BMPR2: variants seen among roughly 807,000 people sequenced by gnomAD.
BMPR2 encodes the protein bone morphogenetic protein receptor type 2.
BMPR2 carries 29 observed loss-of-function variants against 100.8 expected under a neutral mutation model. That is an observed-to-expected ratio of 0.29 (90% CI 0.21 to 0.39). The LOEUF (loss-of-function observed/expected upper bound fraction) is 0.39, where lower values mean the gene tolerates loss of function less well. Ranked by LOEUF, BMPR2 falls within the 10% of genes least tolerant of loss-of-function variation. BMPR2 has a pLI of 1.00. For missense variants in BMPR2, 1,011 were observed against 1,274.5 expected (o/e 0.79, Z 3.15); for synonymous variants, 382 against 442.3 (o/e 0.86, Z 1.71).
chr2:202,483,549 C>T (rs1692706354), intron 3 of BMPR2, among the ~76,000 whole-genome samples: 1 of 151,980 alleles, frequency 6.6e-6, no homozygotes, highest in Non-Finnish European at 1.5e-5. Flanking sequence ...CAGGTGTGTG[C>T]TACCACATCT....
chr2:202,555,210 A>G, intron 11 of BMPR2, 42 bp from the exon 12 acceptor site: 3 of 1,548,454 alleles, frequency 1.9e-6, no homozygotes, highest in Non-Finnish European at 2.7e-6. Flanking sequence ...AGTTTGTCAT[A>G]AATGTACGTT....
In BMPR2 at chr2:202,518,818, G is replaced by T. The variant is rs769302325; in HGVS notation, c.622-4G>T. ...ATACCTTGCTTTCTTTAAAACACTT[G>T]CAGCTGATTGGCCGAGGTCGATATG... is the stretch of plus-strand genomic sequence containing the variant. On this transcript the variant is annotated splice_polypyrimidine_tract_variant and splice_region_variant and intron_variant, in intron 5 of 12. Transcript: ENST00000374580. The T allele has an allele frequency of 6.2e-7, 1 of 1,612,734 alleles. No homozygotes were observed. Among genetic ancestry groups the T allele is most frequent in the Non-Finnish European group, 8.5e-7 (1 of 1,178,742 alleles).
intron 1 of BMPR2, among the ~76,000 whole-genome samples, chr2:202,409,176 C>G (rs891664977): frequency 3.3e-5 from 5 of 152,100 alleles, no homozygotes; most frequent in African/African-American, 2.4e-5. Flanking sequence ...GAAACCTTGT[C>G]TCTATAAAAA....
At chr2:202,550,340 T>C (rs1451721549) in intron 10 of BMPR2, among the ~76,000 whole-genome samples, 1 of 143,020 alleles carries the variant, frequency 7.0e-6, no homozygotes, top group Non-Finnish European at 1.5e-5. Context: ...GCCATTGCAC[T>C]GCAGCCTGGG....
chr2:202,517,807 TTC>T (rs1185215230), intron 5 of BMPR2, among the ~76,000 whole-genome samples: 1 of 151,528 alleles, frequency 6.6e-6, no homozygotes, highest in Admixed American at 6.6e-5. Context: ...TTTTCTGTTC[TTC>T]TTTTTTCTTT....
intron 4 of BMPR2, among the ~76,000 whole-genome samples, chr2:202,514,100 T>C (rs956348387): frequency 6.6e-6 from 1 of 151,964 alleles, no homozygotes; most frequent in Non-Finnish European, 1.5e-5. Context: ...AAATATTATC[T>C]CTACAATACA....
At chr2:202,543,282 CACA>C (rs1688315085) in intron 10 of BMPR2, among the ~76,000 whole-genome samples, 1 of 118,830 alleles carries the variant, frequency 8.4e-6, no homozygotes, top group African/African-American at 3.7e-5. Flanking sequence ...ATGTAAAATT[CACA>C]ACAATGAAAT....
At chr2:202,502,753 T>C (rs1687424552) in intron 3 of BMPR2, among the ~76,000 whole-genome samples, 1 of 152,146 alleles carries the variant, frequency 6.6e-6, no homozygotes, top group Admixed American at 6.5e-5. Flanking sequence ...AGTGTTGTTT[T>C]TACACTAACC....
intron 1 of BMPR2, among the ~76,000 whole-genome samples, chr2:202,404,149 CTT>C (rs1690830885): frequency 6.7e-6 from 1 of 149,384 alleles, no homozygotes; most frequent in Non-Finnish European, 1.5e-5. Flanking sequence ...AATAAAATGA[CTT>C]ATTGTCATTT....
chr2:202,550,527 A>G (rs976597821), intron 10 of BMPR2, among the ~76,000 whole-genome samples: 2 of 152,042 alleles, frequency 1.3e-5, no homozygotes, highest in Non-Finnish European at 2.9e-5. Flanking sequence ...CTAGATTTAT[A>G]ATTATCATTT....
intron 1 of BMPR2, among the ~76,000 whole-genome samples, chr2:202,457,627 C>A (rs1031021095): frequency 1.2e-4 from 18 of 144,282 alleles, no homozygotes; most frequent in East Asian, 2.1e-4. Context: ...CTTTGGAAAC[C>A]TATGCTAATT....
intron 1 of BMPR2, among the ~76,000 whole-genome samples, chr2:202,438,294 CAA>C (rs1245864417): frequency 1.3e-5 from 2 of 150,396 alleles, no homozygotes; most frequent in Non-Finnish European, 2.9e-5. Context: ...GCCTGGGCAA[CAA>C]GAGCGAAACT....
intron 3 of BMPR2, chr2:202,469,542 C>G (rs1211952294): frequency 2.6e-5 from 8 of 308,310 alleles, no homozygotes; most frequent in African/African-American, 6.7e-5. Context: ...TACAGTGGCA[C>G]GATCCCGGCT....
chr2:202,442,258 C>A (rs1171709038), intron 1 of BMPR2, among the ~76,000 whole-genome samples: 3 of 150,298 alleles, frequency 2.0e-5, no homozygotes, highest in East Asian at 1.9e-4. Context: ...ATTCCCAGTT[C>A]TTTTCCACAC....
chr2:202,546,892 G>A (rs1688385252), intron 10 of BMPR2, among the ~76,000 whole-genome samples: 2 of 150,082 alleles, frequency 1.3e-5, no homozygotes, highest in African/African-American at 2.4e-5. Flanking sequence ...ATGAGCCACC[G>A]TGCCCAGCCG....
chr2:202,479,618 A>G (rs1046779925), intron 3 of BMPR2, among the ~76,000 whole-genome samples: 2 of 152,098 alleles, frequency 1.3e-5, no homozygotes, highest in Non-Finnish European at 2.9e-5. Context: ...TTGTATTTAC[A>G]CATTAAAACC....
At chr2:202,527,481 T>A (rs953555157) in intron 7 of BMPR2, among the ~76,000 whole-genome samples, 1 of 149,548 alleles carries the variant, frequency 6.7e-6, no homozygotes, top group Non-Finnish European at 1.5e-5. Flanking sequence ...GGAGCAAGAC[T>A]CCATCTCAAA....
rs573729894 is a variant in BMPR2, at chr2:202,452,634, A to C, written c.77-12175A>C. On this transcript the variant is annotated intron_variant, in intron 1 of 12. Coordinates refer to ENST00000374580, the MANE Select transcript of BMPR2 (RefSeq NM_001204.7). ...CCTGTCTCTTAAAATAATTGGTTCTAATAGTTCTTGTTAGTGGCAAAAATT... is the reference window on the plus strand; with the variant it reads ...CCTGTCTCTTAAAATAATTGGTTCTCATAGTTCTTGTTAGTGGCAAAAATT... Among the ~76,000 whole-genome samples, 91 of 152,282 alleles carry C rather than the reference A, an allele frequency of 6.0e-4. 1 individual carries two copies. Among genetic ancestry groups the C allele is most frequent in the African/African-American group, 2.0e-3 (83 of 41,564 alleles).
chr2:202,451,669 A>G (rs1691988069), intron 1 of BMPR2, among the ~76,000 whole-genome samples: 1 of 152,200 alleles, frequency 6.6e-6, no homozygotes, highest in African/African-American at 2.4e-5. Flanking sequence ...ATTGCACTCC[A>G]GCCTGGGGGA....
Sources: allele counts gnomAD v4.1 joint callset (sites outside exome capture counted in the v4.1 genomes callset), GRCh38; gene constraint gnomAD v4.1.1; transcripts MANE v1.5; gene names NCBI Gene and HGNC (gene_info 2026-07-23, HGNC 2026-07-21).